The following TP53BP2 variants were observed in gnomAD, a reference collection of about 807,000 sequenced individuals.
TP53BP2 encodes the protein apoptosis-stimulating of p53 protein 2.
TP53BP2 carries 62 observed loss-of-function variants against 126.2 expected under a neutral mutation model. That is an observed-to-expected ratio of 0.49 (90% CI 0.40 to 0.61). The LOEUF (loss-of-function observed/expected upper bound fraction) is 0.61. TP53BP2 is among the 20% of genes least tolerant of loss of function. The probability of loss-of-function intolerance (pLI) is 0.00; values close to 1 mark genes in which losing one functional copy is unlikely to be tolerated. For missense variants in TP53BP2, 1,215 were observed against 1,402.8 expected (o/e 0.87, Z 2.14); for synonymous variants, 485 against 502.9 (o/e 0.96, Z 0.48).
intron 1 of TP53BP2, among the ~76,000 whole-genome samples, chr1:223,841,269 A>AAATAAATAAATAAATG (rs758647320): frequency 0.01 from 1,535 of 152,024 alleles, 21 homozygotes; most frequent in African/African-American, 0.035. Context: ...ATAAATAAAT[A>AAATAAATAAATAAATG]AAAGAAATAT....
At chr1:223,845,382 C>A in intron 1 of TP53BP2, 2 of 528,828 alleles carry the variant, frequency 3.8e-6, no homozygotes, top group Non-Finnish European at 2.4e-6. Flanking sequence ...GGCTGCTGGG[C>A]TCGCGGGCGG....
At position 223,825,055 on chromosome 1, in the gene TP53BP2, C is replaced by CT. The variant is rs1288912034; in HGVS notation, c.28-3689_28-3688insA. ...CACACACACACACACACACACACAC[C>CT]CTAGCCCATTCTTCTGCTTTATTTC... On this transcript the variant is annotated intron_variant, in intron 1 of 17. Transcript: ENST00000343537. Among the ~76,000 whole-genome samples, 3 of 114,950 alleles carry CT rather than the reference C, an allele frequency of 2.6e-5. No individual in the cohort carries two copies. The East Asian group carries it at 7.3e-4, about 28-fold the overall frequency. The allele number at this position is 114,950 out of a possible 152,430, so 75.4% of individuals were successfully genotyped here. A position where few individuals can be genotyped will look rare whatever the true frequency, so the allele number is the denominator to read the frequency against.
intron 2 of TP53BP2, 81 bp downstream of exon 2, chr1:223,821,139 C>T: frequency 6.4e-7 from 1 of 1,559,618 alleles, no homozygotes; most frequent in Non-Finnish European, 8.8e-7. Flanking sequence ...GAAACATGAG[C>T]ATTCACACAG....
intron 13 of TP53BP2, among the ~76,000 whole-genome samples, chr1:223,794,976 T>TCATA (rs1207897164): frequency 6.6e-6 from 1 of 152,228 alleles, no homozygotes; most frequent in Non-Finnish European, 1.5e-5. Context: ...GGTTTTAAAT[T>TCATA]CATAGTTCAG....
At chr1:223,783,384 A>G (rs1355997982) in intron 17 of TP53BP2, among the ~76,000 whole-genome samples, 1 of 152,118 alleles carries the variant, frequency 6.6e-6, no homozygotes, top group Non-Finnish European at 1.5e-5. Context: ...TCCCTTCCTC[A>G]ACCCTTTCCT....
At chr1:223,790,428 C>T (rs1194424096) in intron 15 of TP53BP2, among the ~76,000 whole-genome samples, 1 of 151,860 alleles carries the variant, frequency 6.6e-6, no homozygotes, top group East Asian at 1.9e-4. Context: ...TGTGGTGGCA[C>T]ACATCTGTGG....
intron 2 of TP53BP2, among the ~76,000 whole-genome samples, chr1:223,815,744 G>T (rs1663063608): frequency 6.6e-6 from 1 of 151,752 alleles, no homozygotes; most frequent in African/African-American, 2.4e-5. Context: ...ACTGCATGTT[G>T]ACAGTGGTCC....
chr1:223,826,067 A>C (rs529641518), intron 1 of TP53BP2: 1 of 152,414 alleles, frequency 6.6e-6, no homozygotes, highest in East Asian at 1.9e-4. Flanking sequence ...ATCTAAAGGA[A>C]GTGAGGACAC....
chr1:223,803,416 T>A lies in TP53BP2; in HGVS notation c.686A>T (p.Gln229Leu). ...EIEQMNNLFQ[Q>L]KQRELVLAVS... Reference sequence around the variant, plus strand: ...AGCCAGGACGAGCTCCCTCTGTTTTTGCTGGAACAAATTATTCATCTGTTC... The same window carrying A: ...AGCCAGGACGAGCTCCCTCTGTTTTAGCTGGAACAAATTATTCATCTGTTC... Residue 229 changes from glutamine to leucine, a missense_variant, in exon 7 of 18, where the codon CAA (glutamine) becomes CTA (leucine). Around this residue, in one of 4 missense-constraint regions of TP53BP2, gnomAD observed 814 missense variants for 853.0 expected, o/e 0.95. Transcript: ENST00000343537. 1.9e-6 allele frequency: 3 copies of A among 1,613,792 alleles called. No individual in the cohort carries two copies. Among genetic ancestry groups the A allele is most frequent in the Non-Finnish European group, 2.5e-6 (3 of 1,179,856 alleles).
At chr1:223,793,236 T>C (rs1662210018) in intron 14 of TP53BP2, 67 bp downstream of exon 14, 23 of 1,204,644 alleles carry the variant, frequency 1.9e-5, no homozygotes, top group Non-Finnish European at 1.3e-5. Flanking sequence ...TTACTAATTA[T>C]ACTCTAGCCT....
chr1:223,797,116 C>A (rs1177973749), intron 12 of TP53BP2, among the ~76,000 whole-genome samples: 1 of 136,878 alleles, frequency 7.3e-6, no homozygotes, highest in East Asian at 2.1e-4. Flanking sequence ...TCCATTTTCA[C>A]TAAAGACCCA....
intron 1 of TP53BP2, among the ~76,000 whole-genome samples, chr1:223,833,605 G>C (rs1300726735): frequency 1.3e-5 from 2 of 152,140 alleles, no homozygotes; most frequent in Non-Finnish European, 2.9e-5. Context: ...TCTGGTAAAA[G>C]AACCACTTCA....
At chr1:223,805,464 C>A (rs1662682498) in intron 5 of TP53BP2, among the ~76,000 whole-genome samples, 1 of 152,106 alleles carries the variant, frequency 6.6e-6, no homozygotes, top group African/African-American at 2.4e-5. Context: ...CAACACGATC[C>A]CCAGGTGATT....
intron 16 of TP53BP2, among the ~76,000 whole-genome samples, chr1:223,785,502 T>A (rs1324127281): frequency 6.6e-6 from 1 of 152,226 alleles, no homozygotes; most frequent in Non-Finnish European, 1.5e-5. Context: ...GAGATGGGAA[T>A]GAAGAAAGAC....
At chr1:223,802,648 G>A (rs1662566537) in intron 8 of TP53BP2, 83 bp downstream of exon 8, 1 of 1,487,116 alleles carries the variant, frequency 6.7e-7, no homozygotes, top group Non-Finnish European at 9.2e-7. Context: ...TAATGATTCT[G>A]AAGAAGATGC....
chr1:223,824,860 G>C (rs998417190), intron 1 of TP53BP2, among the ~76,000 whole-genome samples: 3 of 151,720 alleles, frequency 2.0e-5, no homozygotes, highest in Non-Finnish European at 4.4e-5. Flanking sequence ...AACACACCAG[G>C]CATGTTCCCA....
intron 2 of TP53BP2, 96 bp downstream of exon 2, chr1:223,821,124 C>G: frequency 6.8e-7 from 1 of 1,481,406 alleles, no homozygotes; most frequent in Non-Finnish European, 9.3e-7. Flanking sequence ...CAGTTTCTCC[C>G]CGGAGAAACA....
chr1:223,802,272 T>C lies in TP53BP2; in HGVS notation c.1069A>G (p.Ile357Val), dbSNP rs369826622. The C allele has an allele frequency of 3.7e-6, 6 of 1,614,094 alleles. No individual in the cohort carries two copies. In the East Asian group the frequency reaches 1.3e-4, roughly 36 times the overall value. ...ATCCGAGGCATAGTAGACGACTGGA[T>C]ATAGGGACCTACTGCAGCCACACGG... Reference protein sequence around the residue: ...PSRVAAVGPYIQSSTMPRMPS... With the variant: ...PSRVAAVGPYVQSSTMPRMPS... The change falls in exon 9 of 18, where the codon ATC (isoleucine) becomes GTC (valine). Residue 357 changes from isoleucine to valine, a missense_variant. Ile to Val is a conservative substitution (Grantham distance 29). Coordinates refer to ENST00000343537, the MANE Select transcript of TP53BP2 (RefSeq NM_001031685.3).
At chr1:223,821,851 A>T (rs1210375444) in intron 1 of TP53BP2, among the ~76,000 whole-genome samples, 1 of 151,966 alleles carries the variant, frequency 6.6e-6, no homozygotes, top group African/African-American at 2.4e-5. Flanking sequence ...GTATAAACCT[A>T]ATCTTTATAT....
Sources: allele counts gnomAD v4.1 joint callset (sites outside exome capture counted in the v4.1 genomes callset), GRCh38; gene constraint gnomAD v4.1.1; regional missense constraint gnomAD v4.1.1; transcripts MANE v1.5; gene names NCBI Gene and HGNC (gene_info 2026-07-23, HGNC 2026-07-21).